CSNK1G1: variants seen among roughly 807,000 people sequenced by gnomAD.
The protein encoded by CSNK1G1 is casein kinase 1 gamma 1, also known as casein kinase I isoform gamma-1.
In CSNK1G1, 22 loss-of-function variants were observed where a neutral mutation model predicts 59.6. That is an observed-to-expected ratio of 0.37 (90% confidence interval 0.26 to 0.53). CSNK1G1 has a LOEUF of 0.53. Ranked by LOEUF, CSNK1G1 falls within the 20% of genes least tolerant of loss-of-function variation. The pLI is 0.89. For synonymous variants in CSNK1G1, 179 were observed against 177.1 expected (o/e 1.01, Z -0.08); for missense variants, 384 against 519.5 (o/e 0.74, Z 2.54).
At chr15:64,256,950 C>T (rs1227562287) in intron 3 of CSNK1G1, among the ~76,000 whole-genome samples, 1 of 151,998 alleles carries the variant, frequency 6.6e-6, no homozygotes, top group East Asian at 1.9e-4. Context: ...CAGCAGACAG[C>T]TACCTTATAG....
chr15:64,290,809 T>C (rs1423789093), intron 2 of CSNK1G1, among the ~76,000 whole-genome samples: 1 of 152,162 alleles, frequency 6.6e-6, no homozygotes, highest in East Asian at 1.9e-4. Flanking sequence ...TAGAGTGCAA[T>C]GGCACGATCT....
At chr15:64,241,187 A>C (rs2082689019) in intron 4 of CSNK1G1, among the ~76,000 whole-genome samples, 1 of 152,230 alleles carries the variant, frequency 6.6e-6, no homozygotes, top group South Asian at 2.1e-4. Flanking sequence ...AAGATATTCT[A>C]CACAAATGGA....
intron 2 of CSNK1G1, among the ~76,000 whole-genome samples, chr15:64,288,563 T>C (rs1026759629): frequency 3.9e-5 from 6 of 151,940 alleles, no homozygotes; most frequent in Non-Finnish European, 8.8e-5. Flanking sequence ...TATATATATA[T>C]GTGTGTATGT....
intron 11 of CSNK1G1, among the ~76,000 whole-genome samples, chr15:64,177,038 C>T (rs569552781): frequency 2.0e-4 from 30 of 152,300 alleles, no homozygotes; most frequent in African/African-American, 7.0e-4. Flanking sequence ...GCCCTCACCA[C>T]CCTTTAAACC....
At chr15:64,273,033 T>C (rs1448106170) in intron 2 of CSNK1G1, among the ~76,000 whole-genome samples, 2 of 152,234 alleles carry the variant, frequency 1.3e-5, no homozygotes, top group Admixed American at 1.3e-4. Context: ...ATTACCCCAC[T>C]GTAAAATTAG....
At chr15:64,275,618 C>G (rs529019796) in intron 2 of CSNK1G1, among the ~76,000 whole-genome samples, 1 of 152,086 alleles carries the variant, frequency 6.6e-6, no homozygotes, top group Non-Finnish European at 1.5e-5. Flanking sequence ...ATGGTATATA[C>G]AGCATGTTTA....
intron 6 of CSNK1G1, 84 bp from the exon 7 acceptor site, chr15:64,207,678 C>T (rs559279030): frequency 2.0e-6 from 2 of 1,004,606 alleles, no homozygotes; most frequent in Admixed American, 1.9e-5. Context: ...CTTCAGAAAC[C>T]CTTCGGCTCT....
intron 1 of CSNK1G1, among the ~76,000 whole-genome samples, chr15:64,322,113 G>A: frequency 6.6e-6 from 1 of 151,886 alleles, no homozygotes; most frequent in South Asian, 2.1e-4. Context: ...AATATCTTTT[G>A]CCTTCTGAAA....
intron 1 of CSNK1G1, among the ~76,000 whole-genome samples, chr15:64,327,332 C>T (rs376779559): frequency 3.3e-5 from 5 of 149,972 alleles, no homozygotes; most frequent in Non-Finnish European, 6.0e-5. Flanking sequence ...GATCTGAGAA[C>T]GGGCAGACTG....
At chr15:64,191,292 C>T (rs1466242342) in intron 10 of CSNK1G1, among the ~76,000 whole-genome samples, 1 of 152,016 alleles carries the variant, frequency 6.6e-6, no homozygotes, top group Admixed American at 6.6e-5. Context: ...GATTTCCTGA[C>T]CTCATGATCT....
At chr15:64,266,891 C>A (rs1222810076) in intron 2 of CSNK1G1, among the ~76,000 whole-genome samples, 1 of 152,160 alleles carries the variant, frequency 6.6e-6, no homozygotes, top group African/African-American at 2.4e-5. Context: ...AAATGTAAGA[C>A]CCAAAACTAT....
At chr15:64,323,857 G>A (rs754109839) in intron 1 of CSNK1G1, among the ~76,000 whole-genome samples, 1 of 152,022 alleles carries the variant, frequency 6.6e-6, no homozygotes, top group Admixed American at 6.6e-5. Flanking sequence ...TGATTTTACT[G>A]TTCTATAAAA....
chr15:64,238,867 C>T (rs913443153), intron 4 of CSNK1G1, among the ~76,000 whole-genome samples: 2 of 152,008 alleles, frequency 1.3e-5, no homozygotes, highest in Non-Finnish European at 2.9e-5. Context: ...ATCCTAGTCT[C>T]ACGGCTGCTT....
chr15:64,249,037 G>A (rs1446896033), intron 4 of CSNK1G1, among the ~76,000 whole-genome samples: 1 of 152,228 alleles, frequency 6.6e-6, no homozygotes, highest in Non-Finnish European at 1.5e-5. Flanking sequence ...GAGGAGAATG[G>A]CGTGAACCCG....
intron 1 of CSNK1G1, among the ~76,000 whole-genome samples, chr15:64,309,489 T>C (rs911855507): frequency 6.6e-6 from 1 of 152,082 alleles, no homozygotes; most frequent in Non-Finnish European, 1.5e-5. Flanking sequence ...ACCATGACTA[T>C]AGTACCTGTC....
In CSNK1G1 at chr15:64,226,582, AC is replaced by A. The variant is rs1272134950; in HGVS notation, c.293-9870del. On this transcript the variant is annotated intron_variant, in intron 4 of 11. Coordinates refer to ENST00000303052, the MANE Select transcript of CSNK1G1 (RefSeq NM_022048.5). ...AACAAACAAACAAACAAACAAACAA[AC>A]CAAAAAAAAAAAAGGAGACTAACTC... 2.7e-5 allele frequency among the ~76,000 whole-genome samples: 4 copies of A among 148,600 alleles called. No homozygotes were observed. The East Asian group carries it at 5.9e-4, about 22-fold the overall frequency.
At chr15:64,279,950 C>A in intron 2 of CSNK1G1, among the ~76,000 whole-genome samples, 1 of 142,140 alleles carries the variant, frequency 7.0e-6, no homozygotes, top group Non-Finnish European at 1.5e-5. Flanking sequence ...CAAGCCTGGG[C>A]AACAGAGCGA....
chr15:64,227,419 A>G (rs1333491771), intron 4 of CSNK1G1, among the ~76,000 whole-genome samples: 1 of 152,230 alleles, frequency 6.6e-6, no homozygotes, highest in Admixed American at 6.5e-5. Context: ...ATGTAGGTAA[A>G]CAACTATGCA....
At chr15:64,201,023 G>C (rs534356925) in intron 10 of CSNK1G1, among the ~76,000 whole-genome samples, 73 of 152,250 alleles carry the variant, frequency 4.8e-4, no homozygotes, top group African/African-American at 1.7e-3. Flanking sequence ...TGTAATCCCA[G>C]TACTTTGGGA....
Sources: allele counts gnomAD v4.1 joint callset (sites outside exome capture counted in the v4.1 genomes callset), GRCh38; gene constraint gnomAD v4.1.1; transcripts MANE v1.5; gene names NCBI Gene and HGNC (gene_info 2026-07-23, HGNC 2026-07-21).